The following PLPPR1 variants were observed in gnomAD, a reference collection of about 807,000 sequenced individuals.
PLPPR1 encodes the protein phospholipid phosphatase-related protein type 1.
In PLPPR1, 10 loss-of-function variants were observed where a neutral mutation model predicts 33.1. The ratio of observed to expected loss-of-function variants is 0.30; its 90% confidence interval spans 0.19 to 0.51. PLPPR1 has a LOEUF of 0.51. Ranked by LOEUF, PLPPR1 falls within the 20% of genes least tolerant of loss-of-function variation. PLPPR1 has a pLI of 0.97. For missense variants in PLPPR1, 304 were observed against 408.1 expected, an observed-to-expected ratio of 0.74 and a Z score of 2.20; for synonymous variants, 151 against 151.0, an observed-to-expected ratio of 1.00 and a Z score of 0.00.
At chr9:101,077,589 C>T (rs975300210) in intron 1 of PLPPR1, among the ~76,000 whole-genome samples, 1 of 152,084 alleles carries the variant, frequency 6.6e-6, no homozygotes, top group Non-Finnish European at 1.5e-5. Flanking sequence ...GGAGGATGTG[C>T]TCAGAATAGC....
intron 2 of PLPPR1, among the ~76,000 whole-genome samples, chr9:101,263,730 T>C (rs902457727): frequency 1.3e-5 from 2 of 152,210 alleles, no homozygotes; most frequent in Non-Finnish European, 2.9e-5. Context: ...CTCTGTGACC[T>C]CATGCAATCT....
intron 2 of PLPPR1, among the ~76,000 whole-genome samples, chr9:101,249,257 A>G (rs1186089880): frequency 6.6e-6 from 1 of 152,030 alleles, no homozygotes. Context: ...ATGCTTTGAA[A>G]CTAGAGTTTT....
intron 1 of PLPPR1, among the ~76,000 whole-genome samples, chr9:101,040,318 T>C (rs1830061041): frequency 6.6e-6 from 1 of 152,176 alleles, no homozygotes; most frequent in Non-Finnish European, 1.5e-5. Context: ...ATCATGGAAC[T>C]GAGGTGTGAA....
intron 1 of PLPPR1, among the ~76,000 whole-genome samples, chr9:101,079,250 A>G (rs2118506653): frequency 6.6e-6 from 1 of 152,264 alleles, no homozygotes; most frequent in South Asian, 2.1e-4. Flanking sequence ...TTATTCTGCC[A>G]TCTCCCTTTG....
intron 7 of PLPPR1, among the ~76,000 whole-genome samples, chr9:101,321,727 A>G (rs28509270): frequency 6.7e-6 from 1 of 148,868 alleles, no homozygotes; most frequent in African/African-American, 2.4e-5. Flanking sequence ...CCCATGGGGG[A>G]AAAATATATA....
In PLPPR1 at chr9:101,271,330, C is replaced by T. The variant is rs887106677; in HGVS notation, c.252+1262C>T. On this transcript the variant is annotated intron_variant, in intron 3 of 7. Transcript: ENST00000374874. ...GCTGTGGGGCTTAGAAATGACTTAG[C>T]GCAGTGCCTGGCATTTACGAAGTGT... Among the ~76,000 whole-genome samples the T allele has an allele frequency of 3.3e-5, 5 of 152,118 alleles. No individual in the cohort carries two copies. The East Asian group carries it at 5.8e-4, about 18-fold the overall frequency.
intron 4 of PLPPR1, among the ~76,000 whole-genome samples, chr9:101,299,900 A>G (rs1236940680): frequency 6.6e-6 from 1 of 152,182 alleles, no homozygotes; most frequent in African/African-American, 2.4e-5. Flanking sequence ...ACAAATGCCA[A>G]TAGCACTCAC....
At chr9:101,243,856 A>G (rs1564013989) in intron 2 of PLPPR1, among the ~76,000 whole-genome samples, 1 of 151,954 alleles carries the variant, frequency 6.6e-6, no homozygotes, top group Admixed American at 6.6e-5. Context: ...TGAATATTTC[A>G]ACATACAAGA....
chr9:101,207,453 T>C (rs979900115), intron 2 of PLPPR1, among the ~76,000 whole-genome samples: 1 of 152,198 alleles, frequency 6.6e-6, no homozygotes, highest in African/African-American at 2.4e-5. Context: ...GCAGTCTTCA[T>C]GCTCTGAACA....
chr9:101,201,021 C>A (rs1826483005), intron 2 of PLPPR1, among the ~76,000 whole-genome samples: 1 of 152,114 alleles, frequency 6.6e-6, no homozygotes, highest in African/African-American at 2.4e-5. Context: ...AGTCCAAGAA[C>A]AAGGTGCCAG....
At chr9:101,313,130 A>G (rs778483727) in intron 6 of PLPPR1, among the ~76,000 whole-genome samples, 156 bp downstream of exon 6, 2 of 152,150 alleles carry the variant, frequency 1.3e-5, no homozygotes, top group African/African-American at 2.4e-5. Context: ...TGCTACAAAA[A>G]TGATTTCAAA....
chr9:101,037,137 G>A (rs1037488465), intron 1 of PLPPR1, among the ~76,000 whole-genome samples: 14 of 152,056 alleles, frequency 9.2e-5, no homozygotes, highest in Admixed American at 3.3e-4. Flanking sequence ...GCTCCACATC[G>A]TGCTGTTATT....
At chr9:101,061,661 AG>A (rs1830349462) in intron 1 of PLPPR1, among the ~76,000 whole-genome samples, 1 of 151,950 alleles carries the variant, frequency 6.6e-6, no homozygotes, top group East Asian at 1.9e-4. Flanking sequence ...AATTGTCCCT[AG>A]TCTGTATTCC....
intron 1 of PLPPR1, among the ~76,000 whole-genome samples, chr9:101,101,371 C>T (rs1444251223): frequency 6.6e-6 from 1 of 151,842 alleles, no homozygotes; most frequent in East Asian, 1.9e-4. Flanking sequence ...GAAATGTGGT[C>T]CTGTCCTGAA....
intron 1 of PLPPR1, among the ~76,000 whole-genome samples, chr9:101,134,278 A>T (rs551825747): frequency 2.0e-5 from 3 of 152,332 alleles, no homozygotes; most frequent in Admixed American, 1.3e-4. Flanking sequence ...CACTTAAGGA[A>T]TTTGCTATTT....
At chr9:101,074,792 G>GA (rs1830517712) in intron 1 of PLPPR1, among the ~76,000 whole-genome samples, 1 of 151,972 alleles carries the variant, frequency 6.6e-6, no homozygotes, top group Non-Finnish European at 1.5e-5. Context: ...TGGTTACCCA[G>GA]AAAAATAATT....
intron 2 of PLPPR1, among the ~76,000 whole-genome samples, chr9:101,216,174 C>G (rs1826790831): frequency 6.6e-6 from 1 of 152,154 alleles, no homozygotes; most frequent in African/African-American, 2.4e-5. Context: ...GTCTTCATGT[C>G]CTTGCCAACA....
At chr9:101,310,083 C>A (rs1454522026) in intron 5 of PLPPR1, among the ~76,000 whole-genome samples, 2 of 152,168 alleles carry the variant, frequency 1.3e-5, no homozygotes, top group Non-Finnish European at 2.9e-5. Flanking sequence ...GTATAATTTT[C>A]TCTGGTTTTC....
intron 2 of PLPPR1, among the ~76,000 whole-genome samples, chr9:101,202,421 T>C (rs550424196): frequency 6.6e-6 from 1 of 152,342 alleles, no homozygotes; most frequent in African/African-American, 2.4e-5. Context: ...TTTAGAAGTC[T>C]AGTTATCCCT....
Sources: gnomAD v4.1 joint callset for allele counts (sites outside exome capture counted in the v4.1 genomes callset) on GRCh38, gnomAD v4.1.1 for gene constraint, MANE v1.5 for transcripts, NCBI Gene and HGNC (gene_info 2026-07-23, HGNC 2026-07-21) for gene names.